VAX1: variants seen among roughly 807,000 people sequenced by gnomAD.
VAX1 encodes ventral anterior homeobox 1.
Under a neutral mutation model 17.6 loss-of-function variants are expected in VAX1, and 6 were observed. That is an observed-to-expected ratio of 0.34 (90% CI 0.19 to 0.67). The LOEUF is 0.67. Among genes scored for constraint, VAX1 ranks in the 30% least tolerant of loss-of-function variants. VAX1 has a pLI of 0.69. For synonymous variants in VAX1, 256 were observed against 227.4 expected (o/e 1.13, Z -1.13); for missense variants, 408 against 463.7 (o/e 0.88, Z 1.10).
At chr10:117,133,272 A>C (rs1854115319), downstream of VAX1, 2 of 985,186 alleles carry the variant, frequency 2.0e-6, no homozygotes, top group African/African-American at 1.7e-5. Flanking sequence ...AGTATTTAAA[A>C]ACTGGTTCCA....
chr10:117,134,665 G>A lies in VAX1; in HGVS notation c.430-82C>T, dbSNP rs1854147300. 7 of 1,346,876 alleles carry A rather than the reference G, an allele frequency of 5.2e-6. No individual in the cohort carries two copies. The highest frequency in any genetic ancestry group is 4.5e-5 in the South Asian group (3 of 66,748). The allele number at this position is 1,346,876 out of a possible 1,614,324, so 83.4% of individuals were successfully genotyped here. On this transcript the variant is annotated intron_variant, in intron 2 of 2. Coordinates refer to ENST00000369206, the MANE Select transcript of VAX1 (RefSeq NM_001112704.2). The surrounding 1 kb of genome is among the most constrained non-coding windows in gnomAD (Gnocchi z 6.2). ...AGGAAGCGAGCTCCCGGGGCGCGCGGCTCCGGGGCTCTCCCCAAGTCCCAG... is the reference window on the plus strand; with the variant it reads ...AGGAAGCGAGCTCCCGGGGCGCGCGACTCCGGGGCTCTCCCCAAGTCCCAG...
chr10:117,134,554 G>A lies in VAX1; in HGVS notation c.459C>T (p.Thr153=). 6.5e-7 allele frequency: 1 copy of A among 1,527,554 alleles called. No homozygotes were observed. The highest frequency in any genetic ancestry group is 8.8e-7 in the Non-Finnish European group (1 of 1,138,570). The allele number at this position is 1,527,554 out of a possible 1,614,324, so 94.6% of individuals were successfully genotyped here. Residue 153 remains threonine, a synonymous_variant, in exon 3 of 3, where the codon ACC becomes ACT. Coordinates refer to ENST00000369206, the MANE Select transcript of VAX1 (RefSeq NM_001112704.2). This position sits in a 1 kb window ranked among gnomAD's most constrained non-coding sequence, Gnocchi z 6.2. ...CCTTGCCCTGGTCCTTCTTCTGCTT[G>A]GTGCGCCGGTTCTGGAACCAGACCT... ...QVKVWFQNRR[T]KQKKDQGKDS... is the part of the protein sequence containing the mutation.
chr10:117,130,029 G>A (rs1260059184), downstream of VAX1: 1 of 152,132 alleles, frequency 6.6e-6, no homozygotes, highest in Non-Finnish European at 1.5e-5. Flanking sequence ...AAGAAGGAAA[G>A]GAGGAAGGAG....
downstream of VAX1, chr10:117,132,222 C>T (rs1230462932): frequency 6.2e-7 from 1 of 1,613,940 alleles, no homozygotes; most frequent in Admixed American, 1.7e-5. This position sits in a 1 kb window ranked among gnomAD's most constrained non-coding sequence, Gnocchi z 4.9. Flanking sequence ...TAGGGGCTGC[C>T]ACCCTCTGCC....
Position 117,138,083 on chromosome 10 carries a change from A to AG in VAX1, c.-28dup, listed in dbSNP as rs1244378074. Reference sequence around the variant, plus strand: ...GGCAAGAACAACAACAAAAACAGAAAGGAAAAAAAAAGCAAAAAAAAAAAA... The same window carrying AG: ...GGCAAGAACAACAACAAAAACAGAAAGGGAAAAAAAAAGCAAAAAAAAAAAA... On this transcript the variant is annotated 5_prime_UTR_variant, in exon 1 of 3. Transcript: ENST00000369206. 1.2e-6 allele frequency: 1 copy of AG among 839,838 alleles called. No individual in the cohort carries two copies. Among genetic ancestry groups the AG allele is most frequent in the Non-Finnish European group, 1.7e-6 (1 of 594,590 alleles). 52.0% of individuals were successfully genotyped at this position (839,838 alleles called of 1,614,324 possible).
At position 117,137,710 on chromosome 10, in the gene VAX1, G is replaced by A. The variant is rs1402399430; in HGVS notation, c.241+106C>T. ...GGGAGGGCCAACAACTTTCTCCCAAGTCCCAGCCGGCACTCCTTCCCACCG... is the reference window on the plus strand; with the variant it reads ...GGGAGGGCCAACAACTTTCTCCCAAATCCCAGCCGGCACTCCTTCCCACCG... On this transcript the variant is annotated intron_variant, in intron 1 of 2. Transcript: ENST00000369206. The surrounding 1 kb of genome is among the most constrained non-coding windows in gnomAD (Gnocchi z 7.4). 1 of 1,589,480 alleles carries A rather than the reference G, an allele frequency of 6.3e-7. No homozygotes were observed. The highest frequency in any genetic ancestry group is 8.5e-7 in the Non-Finnish European group (1 of 1,176,750).
In VAX1 at chr10:117,133,323, T is replaced by C; in HGVS notation, c.*685A>G. ...CGTAGCAATTGCTTTTATTGCTGAT[T>C]AGATCAAATTTATCAGTGTCGTTGC... On this transcript the variant is annotated 3_prime_UTR_variant, in exon 3 of 3. Coordinates refer to ENST00000369206, the MANE Select transcript of VAX1 (RefSeq NM_001112704.2). 1 of 985,474 alleles carries C rather than the reference T, an allele frequency of 1.0e-6. No homozygotes were observed. Among genetic ancestry groups the C allele is most frequent in the South Asian group, 4.7e-5 (1 of 21,284 alleles). The allele number at this position is 985,474 out of a possible 1,614,324, so 61.0% of individuals were successfully genotyped here.
chr10:117,137,672 C>T lies in VAX1; in HGVS notation c.241+144G>A. The T allele has an allele frequency of 6.5e-7, 1 of 1,532,130 alleles. No homozygotes were observed. Among genetic ancestry groups the T allele is most frequent in the Admixed American group, 2.1e-5 (1 of 46,876 alleles). 94.9% of individuals were successfully genotyped at this position (1,532,130 alleles called of 1,614,324 possible). A position where few individuals can be genotyped will look rare whatever the true frequency, so the allele number is the denominator to read the frequency against. ...AGAGTCCCAGGCGCTTGTCCCCAGC[C>T]GGACTCGGGGCGGGGAGGGCCAACA... On this transcript the variant is annotated intron_variant, in intron 1 of 2. Transcript: ENST00000369206. The surrounding 1 kb of genome is among the most constrained non-coding windows in gnomAD (Gnocchi z 7.4).
At chr10:117,133,184 A>G (rs1432750319), downstream of VAX1, 1 of 741,056 alleles carries the variant, frequency 1.3e-6, no homozygotes, top group Non-Finnish European at 1.6e-6. Context: ...TACAACACCC[A>G]GAACCTTAAT....
In VAX1 at chr10:117,136,772, G is replaced by A. The variant is rs570561508; in HGVS notation, c.242-113C>T. On this transcript the variant is annotated intron_variant, in intron 1 of 2. Coordinates refer to ENST00000369206, the MANE Select transcript of VAX1 (RefSeq NM_001112704.2). The surrounding 1 kb of genome is among the most constrained non-coding windows in gnomAD (Gnocchi z 5.0). ...GAAGCGTGCAGTTTTGGGGATGGGG[G>A]GCGGGGTGCGGAGCGCGACCACAAC... 3.6e-3 allele frequency: 4,724 copies of A among 1,326,254 alleles called. 11 individuals are homozygous for A. Among genetic ancestry groups the A allele is most frequent in the Non-Finnish European group, 4.6e-3 (4,517 of 980,976 alleles). The allele number at this position is 1,326,254 out of a possible 1,614,324, so 82.2% of individuals were successfully genotyped here. A position where few individuals can be genotyped will look rare whatever the true frequency, so the allele number is the denominator to read the frequency against.
At position 117,134,191 on chromosome 10, in the gene VAX1, G is replaced by T. The variant is rs1177625367; in HGVS notation, c.822C>A (p.Ser274Arg). The T allele has an allele frequency of 2.0e-6, 3 of 1,512,936 alleles. No homozygotes were observed. Among genetic ancestry groups the T allele is most frequent in the Non-Finnish European group, 2.7e-6 (3 of 1,131,840 alleles). The allele number at this position is 1,512,936 out of a possible 1,614,324, so 93.7% of individuals were successfully genotyped here. ...AGCCGAGCAGCGAGGGCACCGGCAG[G>T]CTGAAGAGGCTGTGGCCCGCGGCCG... is the stretch of plus-strand genomic sequence containing the variant. Reference protein sequence around the residue: ...GAPAAGHSLFSLPVPSLLGSV... With the variant: ...GAPAAGHSLFRLPVPSLLGSV... The change falls in exon 3 of 3, where the codon AGC (serine) becomes AGA (arginine). Residue 274 changes from serine to arginine, a missense_variant. Transcript: ENST00000369206. This position sits in a 1 kb window ranked among gnomAD's most constrained non-coding sequence, Gnocchi z 6.2.
rs922110585 is a variant in VAX1, at chr10:117,133,489, G to A, written c.*519C>T. 2 of 985,538 alleles carry A rather than the reference G, an allele frequency of 2.0e-6. No individual in the cohort carries two copies. The highest frequency in any genetic ancestry group is 2.4e-6 in the Non-Finnish European group (2 of 830,102). 61.0% of individuals were successfully genotyped at this position (985,538 alleles called of 1,614,324 possible). Reference sequence around the variant, plus strand: ...TATCCCGAGAGGTCCGCAAAGCGGGGCCCAGGGGCTCCCACAAGCCCTGGT... The same window carrying A: ...TATCCCGAGAGGTCCGCAAAGCGGGACCCAGGGGCTCCCACAAGCCCTGGT... On this transcript the variant is annotated 3_prime_UTR_variant, in exon 3 of 3. Coordinates refer to ENST00000369206, the MANE Select transcript of VAX1 (RefSeq NM_001112704.2).
downstream of VAX1, chr10:117,130,300 A>G (rs1190292568): frequency 6.6e-6 from 1 of 152,232 alleles, no homozygotes; most frequent in Non-Finnish European, 1.5e-5. Flanking sequence ...ACTTATGAAT[A>G]CATTCTGGCT....
chr10:117,132,091 G>T, downstream of VAX1: 1 of 1,061,332 alleles, frequency 9.4e-7, no homozygotes, highest in Non-Finnish European at 1.4e-6. This position sits in a 1 kb window ranked among gnomAD's most constrained non-coding sequence, Gnocchi z 4.9. Flanking sequence ...AATCGAGAGC[G>T]AAACACTCAA....
At chr10:117,128,871 G>A (rs1419831158), downstream of VAX1, 1 of 152,178 alleles carries the variant, frequency 6.6e-6, no homozygotes, top group Non-Finnish European at 1.5e-5. Context: ...GTCTGTAAGG[G>A]AGCAGCCTCT....
rs1354432886 is a variant in VAX1, at chr10:117,137,167, C to CT, written c.242-509dup. On this transcript the variant is annotated intron_variant, in intron 1 of 2. Coordinates refer to ENST00000369206, the MANE Select transcript of VAX1 (RefSeq NM_001112704.2). The surrounding 1 kb of genome is among the most constrained non-coding windows in gnomAD (Gnocchi z 7.4). ...GCCGGGCCCGGAGATCTGCTGCTGG[C>CT]TGGGGCGGCGCCGGGCCGGGGCCCG... 2.3e-4 allele frequency among the ~76,000 whole-genome samples: 35 copies of CT among 151,916 alleles called. 1 individual carries two copies. Among genetic ancestry groups the CT allele is most frequent in the Admixed American group, 2.3e-3 (35 of 15,276 alleles).
Position 117,137,831 on chromosome 10 carries a change from G to A in VAX1, c.226C>T (p.Arg76Trp). The change falls in exon 1 of 3, where the codon CGG becomes TGG. Residue 76 changes from arginine to tryptophan, a missense_variant. By Grantham distance (101) the Arg-to-Trp change is moderately radical. Around this residue, in one of 4 missense-constraint regions of VAX1, gnomAD observed 133 missense variants for 112.0 expected, o/e 1.19. Transcript: ENST00000369206. The surrounding 1 kb of genome is among the most constrained non-coding windows in gnomAD (Gnocchi z 7.4). ...CCATCCCTACCTCGGACCAGGATCCGGCGGCAGTAATCCGGGTCCGCTGCG... is the reference window on the plus strand; with the variant it reads ...CCATCCCTACCTCGGACCAGGATCCAGCGGCAGTAATCCGGGTCCGCTGCG... Reference protein sequence around the residue: ...NSAADPDYCRRILVRDAKGSI... With the variant: ...NSAADPDYCRWILVRDAKGSI... 6.2e-7 allele frequency: 1 copy of A among 1,612,592 alleles called. No homozygotes were observed. Among genetic ancestry groups the A allele is most frequent in the Non-Finnish European group, 8.5e-7 (1 of 1,179,940 alleles).
downstream of VAX1, chr10:117,128,871 G>C (rs1419831158): frequency 3.9e-5 from 6 of 152,178 alleles, no homozygotes; most frequent in African/African-American, 1.4e-4. Context: ...GTCTGTAAGG[G>C]AGCAGCCTCT....
chr10:117,134,696 T>C lies in VAX1; in HGVS notation c.430-113A>G, dbSNP rs929036401. On this transcript the variant is annotated intron_variant, in intron 2 of 2. Transcript: ENST00000369206. This position sits in a 1 kb window ranked among gnomAD's most constrained non-coding sequence, Gnocchi z 6.2. ...GGGCTCTCCCCAAGTCCCAGCCCTA[T>C]CCGCAGCCCCACCCAGCAGCCGGAG... The C allele has an allele frequency of 1.8e-6, 2 of 1,102,958 alleles. No homozygotes were observed. The highest frequency in any genetic ancestry group is 1.2e-6 in the Non-Finnish European group (1 of 829,672). The allele number at this position is 1,102,958 out of a possible 1,614,324, so 68.3% of individuals were successfully genotyped here. A position where few individuals can be genotyped will look rare whatever the true frequency, so the allele number is the denominator to read the frequency against.
Sources: gnomAD v4.1 joint callset for allele counts (sites outside exome capture counted in the v4.1 genomes callset) on GRCh38, gnomAD v4.1.1 for gene constraint, gnomAD v4.1.1 regional missense constraint, Gnocchi (gnomAD v3.1) non-coding constraint, MANE v1.5 for transcripts, NCBI Gene and HGNC (gene_info 2026-07-23, HGNC 2026-07-21) for gene names.